Variants in DIAPH1 observed in about 807,000 individuals in gnomAD.
DIAPH1 encodes diaphanous related formin 1.
A neutral mutation model predicts 140.7 loss-of-function variants in DIAPH1; 46 were observed. The ratio of observed to expected loss-of-function variants is 0.33; its 90% confidence interval spans 0.26 to 0.42. The LOEUF (loss-of-function observed/expected upper bound fraction) is 0.42, where lower values mean the gene tolerates loss of function less well. DIAPH1 is among the 10% of genes least tolerant of loss of function. The pLI is 1.00. For synonymous variants in DIAPH1, 565 were observed against 551.6 expected (o/e 1.02, Z -0.34); for missense variants, 1,310 against 1,558.7 (o/e 0.84, Z 2.69).
rs373188966 is a variant in DIAPH1 at position 141,519,380 on chromosome 5, ATG to A, written c.3662-2374_3662-2373del. Among the ~76,000 whole-genome samples the A allele has an allele frequency of 8.6e-4, 129 of 150,592 alleles. No individual in the cohort carries two copies. The East Asian group carries it at 0.017, about 20-fold the overall frequency. On this transcript the variant is annotated intron_variant, in intron 27 of 27. Transcript: ENST00000389054. ...TTGAGAAGACACTGCGACTCTGTGC[ATG>A]TGTGTGTGTGTGTGTAACTCTAGTG... is the stretch of plus-strand genomic sequence containing the variant.
chr5:141,525,638 A>G (rs552340206), intron 26 of DIAPH1, among the ~76,000 whole-genome samples: 1 of 152,306 alleles, frequency 6.6e-6, no homozygotes, highest in African/African-American at 2.4e-5. Context: ...GCAGAAAGGG[A>G]AGACACGCCA....
intron 18 of DIAPH1, among the ~76,000 whole-genome samples, chr5:141,546,820 C>T (rs1453690662): frequency 6.6e-6 from 1 of 152,208 alleles, no homozygotes; most frequent in East Asian, 1.9e-4. Flanking sequence ...ACCACAACCA[C>T]GTCTTGGCAC....
chr5:141,524,834 G>T (rs1237061190), intron 26 of DIAPH1: 1 of 156,846 alleles, frequency 6.4e-6, no homozygotes, highest in African/African-American at 2.4e-5. Context: ...ATCTGAAACT[G>T]TGAAATCCCA....
At chr5:141,517,075 G>A (rs1434308160) in intron 27 of DIAPH1, 67 bp from the exon 28 acceptor site, 1 of 1,586,100 alleles carries the variant, frequency 6.3e-7, no homozygotes, top group Non-Finnish European at 8.6e-7. Flanking sequence ...AAACTCTACA[G>A]CAGATAATCA....
intron 1 of DIAPH1, among the ~76,000 whole-genome samples, chr5:141,596,288 G>A (rs999133544): frequency 6.6e-6 from 1 of 151,842 alleles, no homozygotes; most frequent in African/African-American, 2.4e-5. Context: ...AGCCGAGATC[G>A]CACCACTGCA....
rs757781927 is a variant in DIAPH1, at chr5:141,528,592, A to C, written c.3019-10T>G. 6.2e-7 allele frequency: 1 copy of C among 1,614,100 alleles called. No individual in the cohort carries two copies. The stretch of plus-strand genomic sequence containing the variant: ...ACTTGGTGTCTCGAAGCTTAGAGAA[A>C]GAGGAGAAACTGTTAAATCCTGACA... On this transcript the variant is annotated splice_polypyrimidine_tract_variant and intron_variant, in intron 22 of 27. Transcript: ENST00000389054.
chr5:141,517,551 CCCA>C (rs1316415222), intron 27 of DIAPH1, among the ~76,000 whole-genome samples: 1 of 152,154 alleles, frequency 6.6e-6, no homozygotes, highest in Non-Finnish European at 1.5e-5. Flanking sequence ...ACACCGCACT[CCCA>C]CGTGTTCCTC....
At chr5:141,557,402 G>A (rs1348578881) in intron 18 of DIAPH1, among the ~76,000 whole-genome samples, 1 of 152,086 alleles carries the variant, frequency 6.6e-6, no homozygotes, top group Non-Finnish European at 1.5e-5. Context: ...GGACATAGGG[G>A]TGTTCATACT....
rs888118814 is a variant in DIAPH1 at position 141,618,957 on chromosome 5, C to A, written c.-43G>T. ...CCGGCGACCCCGCGCCTACGCCGCT[C>A]CCGCCTGGCAGCTCCGCGCCCGCCG... On this transcript the variant is annotated 5_prime_UTR_variant, in exon 1 of 28. Coordinates refer to ENST00000389054, the MANE Select transcript of DIAPH1 (RefSeq NM_005219.5). 1.0e-4 allele frequency: 124 copies of A among 1,217,298 alleles called. No homozygotes were observed. In the Admixed American group the frequency reaches 1.6e-3, roughly 16 times the overall value. The allele number at this position is 1,217,298 out of a possible 1,614,324, so 75.4% of individuals were successfully genotyped here.
rs2099885560 is a variant in DIAPH1, at chr5:141,515,618, C to A, written c.*1233G>T. The A allele has an allele frequency of 6.6e-6, 1 of 152,192 alleles. No individual in the cohort carries two copies. Among genetic ancestry groups the A allele is most frequent in the African/African-American group, 2.4e-5 (1 of 41,438 alleles). The allele number at this position is 152,192 out of a possible 1,614,324, so 9.4% of individuals were successfully genotyped here. A position where few individuals can be genotyped will look rare whatever the true frequency, so the allele number is the denominator to read the frequency against. ...TGAAGGCACTCCTGGTGCCCAGTTC[C>A]CCAGAATGTCCAGTTAGCATCTGCA... On this transcript the variant is annotated 3_prime_UTR_variant, in exon 28 of 28. Coordinates refer to ENST00000389054, the MANE Select transcript of DIAPH1 (RefSeq NM_005219.5).
chr5:141,551,148 T>G (rs1220060783), intron 18 of DIAPH1, among the ~76,000 whole-genome samples: 1 of 152,232 alleles, frequency 6.6e-6, no homozygotes, highest in East Asian at 1.9e-4. Context: ...TTTATGGACC[T>G]GTTATTAGAA....
chr5:141,549,301 A>G (rs887524154), intron 18 of DIAPH1, among the ~76,000 whole-genome samples: 1 of 152,208 alleles, frequency 6.6e-6, no homozygotes, highest in Non-Finnish European at 1.5e-5. Flanking sequence ...AACTGGCATG[A>G]TACATACATT....
Position 141,588,268 on chromosome 5 carries a change from G to C in DIAPH1, c.118-18C>G, listed in dbSNP as rs2099897844. On this transcript the variant is annotated intron_variant, in intron 1 of 27. Transcript: ENST00000389054. ...TTCAGAGTCTAGGAAACAGGAAAAA[G>C]GAGGGAGAAGAAAGAAGAGAAATCA... 6.2e-7 allele frequency: 1 copy of C among 1,605,808 alleles called. No individual in the cohort carries two copies. Among genetic ancestry groups the C allele is most frequent in the Non-Finnish European group, 8.5e-7 (1 of 1,172,802 alleles).
intron 14 of DIAPH1, among the ~76,000 whole-genome samples, chr5:141,575,392 T>C (rs544564893): frequency 2.0e-4 from 30 of 152,320 alleles, no homozygotes; most frequent in African/African-American, 7.2e-4. Flanking sequence ...CTCACACCTG[T>C]AATCCCAGCA....
intron 19 of DIAPH1, among the ~76,000 whole-genome samples, chr5:141,532,647 CCTTT>C (rs1159464875): frequency 1.1e-4 from 17 of 152,196 alleles, no homozygotes; most frequent in Admixed American, 3.9e-4. Context: ...TTATCATCTG[CCTTT>C]CTGTCTTTAC....
chr5:141,594,797 T>C (rs1181992057), intron 1 of DIAPH1, among the ~76,000 whole-genome samples: 2 of 149,834 alleles, frequency 1.3e-5, no homozygotes, highest in Non-Finnish European at 1.5e-5. Flanking sequence ...TCCCAGCACT[T>C]TGGGAGGCTG....
intron 19 of DIAPH1, among the ~76,000 whole-genome samples, chr5:141,531,708 G>A (rs1299307420): frequency 1.1e-4 from 16 of 151,808 alleles, no homozygotes; most frequent in Non-Finnish European, 1.9e-4. Flanking sequence ...GGCTCGTCTC[G>A]AACTCCTGAC....
Position 141,526,040 on chromosome 5 carries a change from G to C in DIAPH1, c.3572C>G (p.Ala1191Gly). The C allele has an allele frequency of 6.2e-7, 1 of 1,613,948 alleles. No homozygotes were observed. Among genetic ancestry groups the C allele is most frequent in the Non-Finnish European group, 8.5e-7 (1 of 1,180,022 alleles). ...ATCAACCCGTCTTCACTCCTCACCT[G>C]CATTCATGTCTATGAGTTGCTCTCT... is the stretch of plus-strand genomic sequence containing the variant. ...QKREQLIDMN[A>G]EGDETGVMDS... Residue 1191 changes from alanine to glycine, a missense_variant and splice_region_variant, in exon 26 of 28, where the codon GCA becomes GGA. By Grantham distance (60) the Ala-to-Gly change is moderately conservative. Transcript: ENST00000389054.
At chr5:141,580,402 C>A (rs555716325) in intron 8 of DIAPH1, among the ~76,000 whole-genome samples, 5 of 151,976 alleles carry the variant, frequency 3.3e-5, no homozygotes, top group Admixed American at 3.3e-4. Context: ...ACTTTATATA[C>A]TTCTATATCG....
Sources: gnomAD v4.1 joint callset for allele counts (sites outside exome capture counted in the v4.1 genomes callset) on GRCh38, gnomAD v4.1.1 for gene constraint, MANE v1.5 for transcripts, NCBI Gene and HGNC (gene_info 2026-07-23, HGNC 2026-07-21) for gene names.